NLRP13: variants seen among roughly 807,000 people sequenced by gnomAD.
NLRP13 encodes the protein NLR family pyrin domain containing 13.
Under a neutral mutation model 94.4 loss-of-function variants are expected in NLRP13, and 82 were observed. That is an observed-to-expected ratio of 0.87 (90% CI 0.73 to 1.04). The LOEUF is 1.04. NLRP13 is among the 50% of genes least tolerant of loss of function. The pLI, the probability that NLRP13 is intolerant of heterozygous loss-of-function variation, is 0.00. For synonymous variants in NLRP13, 553 were observed against 464.7 expected, an observed-to-expected ratio of 1.19 and a Z score of -2.45; for missense variants, 1,426 against 1,230.8, an observed-to-expected ratio of 1.16 and a Z score of -2.37.
chr19:55,892,699 G>C (rs1985890506), downstream of NLRP13, among the ~76,000 whole-genome samples: 1 of 152,198 alleles, frequency 6.6e-6, no homozygotes, highest in African/African-American at 2.4e-5. Flanking sequence ...GGAATTAGAG[G>C]CATGAGCCAC....
chr19:55,898,053 T>C (rs1174643826), intron 10 of NLRP13, among the ~76,000 whole-genome samples: 1 of 152,068 alleles, frequency 6.6e-6, no homozygotes, highest in African/African-American at 2.4e-5. Flanking sequence ...CAGGCTGCGC[T>C]CCCCTCAACT....
chr19:55,912,487 C>G lies in NLRP13; in HGVS notation c.1330G>C (p.Asp444His). The change falls in exon 5 of 11, where the codon GAT becomes CAT. Residue 444 changes from aspartate to histidine, a missense_variant. Physicochemically the swap from Asp to His is moderately conservative, Grantham distance 81. Coordinates refer to ENST00000342929, the MANE Select transcript of NLRP13 (RefSeq NM_176810.2). ...GTAGTCTGAGTGATTGACTGGAGAT[C>G]GTAATACCTCACCTTCGGCTGCTTC... is the stretch of plus-strand genomic sequence containing the variant. ...CLKQPKVRYYDLQSITQTTTS... is the reference protein window; with the variant it reads ...CLKQPKVRYYHLQSITQTTTS... 6.2e-7 allele frequency: 1 copy of G among 1,614,090 alleles called. No individual in the cohort carries two copies.
Position 55,912,045 on chromosome 19 carries a change from A to C in NLRP13, c.1772T>G (p.Leu591Arg). ...TTCTCTTGCTATGTTTTTATTTAAA[A>C]GACCAAAGAAGAACAGAACCACTGG... ...WTPVVLFFFGLLNKNIARELE... is the reference protein window; with the variant it reads ...WTPVVLFFFGRLNKNIARELE... Residue 591 changes from leucine to arginine, a missense_variant, in exon 5 of 11, where the codon CTT (leucine) becomes CGT (arginine). Physicochemically the swap from Leu to Arg is moderately radical, Grantham distance 102. Transcript: ENST00000342929. 1 of 1,614,186 alleles carries C rather than the reference A, an allele frequency of 6.2e-7. No individual in the cohort carries two copies. Among genetic ancestry groups the C allele is most frequent in the Non-Finnish European group, 8.5e-7 (1 of 1,180,038 alleles).
In NLRP13 at chr19:55,912,691, C is replaced by T. The variant is rs1986557724; in HGVS notation, c.1126G>A (p.Val376Met). 6.2e-7 allele frequency: 1 copy of T among 1,614,076 alleles called. No homozygotes were observed. The highest frequency in any genetic ancestry group is 8.5e-7 in the Non-Finnish European group (1 of 1,180,042). ...WFVRDLKASL[V>M]NPCFVQITGF... ...GTAATTTGTACAAAGCATGGATTCA[C>T]TAATGAGGCCTTAAGATCTCTCACA... Residue 376 changes from valine (V) to methionine (M), a missense_variant, in exon 5 of 11, where the codon GTG becomes ATG. By Grantham distance (21) the Val-to-Met change is conservative. Transcript: ENST00000342929.
chr19:55,899,687 G>C (rs1377865452), intron 9 of NLRP13, among the ~76,000 whole-genome samples: 1 of 152,188 alleles, frequency 6.6e-6, no homozygotes, highest in African/African-American at 2.4e-5. Context: ...GGCTGAGGCA[G>C]GAGAATAGCT....
At position 55,905,042 on chromosome 19, in the gene NLRP13, C is replaced by T. The variant is rs144919462; in HGVS notation, c.2518G>A (p.Val840Ile). 119 of 1,613,642 alleles carry T rather than the reference C, an allele frequency of 7.4e-5. 4 individuals are homozygous for T. The Middle Eastern group carries it at 8.2e-4, about 11-fold the overall frequency. The change falls in exon 8 of 11, where the codon GTA becomes ATA. Residue 840 changes from valine to isoleucine, a missense_variant. By Grantham distance (29) the Val-to-Ile change is conservative (BLOSUM62 3). Coordinates refer to ENST00000342929, the MANE Select transcript of NLRP13 (RefSeq NM_176810.2). ...LALFLTSIQHVTRLCLGFNRL... is the reference protein window; with the variant it reads ...LALFLTSIQHITRLCLGFNRL... ...TTAAATCCCAGGCACAATCGAGTTA[C>T]GTGTTGGATGCTGGTGAGAAACAAG...
intron 1 of NLRP13, among the ~76,000 whole-genome samples, chr19:55,930,344 A>G (rs768914912): frequency 1.3e-5 from 2 of 152,178 alleles, no homozygotes; most frequent in African/African-American, 2.4e-5. Flanking sequence ...TCCTTCTTAT[A>G]AATATAGTGA....
chr19:55,920,041 C>G (rs1157643082), intron 4 of NLRP13, among the ~76,000 whole-genome samples: 1 of 152,154 alleles, frequency 6.6e-6, no homozygotes, highest in Non-Finnish European at 1.5e-5. Context: ...CTACAGCTAG[C>G]TGATCTTCCG....
chr19:55,921,372 C>A (rs1986821399), intron 4 of NLRP13, among the ~76,000 whole-genome samples: 1 of 152,048 alleles, frequency 6.6e-6, no homozygotes, highest in Admixed American at 6.6e-5. Context: ...TTGTTACAGC[C>A]TTTTAGAGGA....
chr19:55,911,609 C>T (rs779814180), intron 5 of NLRP13, 97 bp downstream of exon 5: 5 of 1,173,290 alleles, frequency 4.3e-6, no homozygotes, highest in African/African-American at 3.1e-5. Context: ...AGCACGAATA[C>T]ATAACGACAA....
intron 1 of NLRP13, among the ~76,000 whole-genome samples, 178 bp from the exon 2 acceptor site, chr19:55,925,213 A>G (rs929642842): frequency 3.9e-5 from 6 of 152,204 alleles, no homozygotes; most frequent in Non-Finnish European, 8.8e-5. Context: ...CACTCTGGAA[A>G]GTCCACAGCA....
intron 4 of NLRP13, among the ~76,000 whole-genome samples, chr19:55,920,976 A>G (rs1055775499): frequency 6.0e-4 from 91 of 152,346 alleles, no homozygotes; most frequent in African/African-American, 2.1e-3. Flanking sequence ...ATATGGATAG[A>G]ACTGGAGGCC....
intron 9 of NLRP13, among the ~76,000 whole-genome samples, chr19:55,899,155 C>T (rs745320874): frequency 2.0e-5 from 3 of 152,086 alleles, no homozygotes; most frequent in South Asian, 2.1e-4. Flanking sequence ...CAACACAGCC[C>T]TCTCCCTCCC....
chr19:55,892,384 C>T (rs577315728), downstream of NLRP13, among the ~76,000 whole-genome samples: 15 of 52,796 alleles, frequency 2.8e-4, no homozygotes, highest in African/African-American at 8.8e-4. Flanking sequence ...TATATACACA[C>T]ACATACACAC....
At chr19:55,899,939 G>A (rs1014760413) in intron 9 of NLRP13, among the ~76,000 whole-genome samples, 13 of 122,524 alleles carry the variant, frequency 1.1e-4, no homozygotes, top group Admixed American at 2.0e-4. Flanking sequence ...AATCTCAGCA[G>A]GAATATAATT....
At chr19:55,900,775 T>TAAA (rs3073241) in intron 9 of NLRP13, among the ~76,000 whole-genome samples, 19 of 134,218 alleles carry the variant, frequency 1.4e-4, no homozygotes, top group South Asian at 2.5e-4. Context: ...GACTCCATCT[T>TAAA]AAAAAAAAAA....
chr19:55,921,713 T>C (rs1986832148), intron 4 of NLRP13, among the ~76,000 whole-genome samples: 1 of 152,124 alleles, frequency 6.6e-6, no homozygotes, highest in African/African-American at 2.4e-5. Flanking sequence ...ATTGCACATA[T>C]CATCCTAAAG....
Position 55,912,427 on chromosome 19 carries a change from A to T in NLRP13, c.1390T>A (p.Phe464Ile). The change falls in exon 5 of 11, where the codon TTC becomes ATC. Residue 464 changes from phenylalanine to isoleucine, a missense_variant. By Grantham distance (21) the Phe-to-Ile change is conservative (BLOSUM62 0). Transcript: ENST00000342929. ...GCCAAATCTACCTCTGCTGTGGAGAACAAGTTGGAGAAAAAATAGGCATAC... is the reference window on the plus strand; with the variant it reads ...GCCAAATCTACCTCTGCTGTGGAGATCAAGTTGGAGAAAAAATAGGCATAC... ...SLYAYFFSNLFSTAEVDLADD... is the reference protein window; with the variant it reads ...SLYAYFFSNLISTAEVDLADD... 1 of 1,614,178 alleles carries T rather than the reference A, an allele frequency of 6.2e-7. No homozygotes were observed. Among genetic ancestry groups the T allele is most frequent in the Non-Finnish European group, 8.5e-7 (1 of 1,180,030 alleles).
intron 1 of NLRP13, among the ~76,000 whole-genome samples, chr19:55,931,740 A>AAGAAAGAAAGAAAGAC (rs1987150874): frequency 6.9e-6 from 1 of 144,818 alleles, no homozygotes; most frequent in South Asian, 2.3e-4. Flanking sequence ...GAAAGAAAGA[A>AAGAAAGAAAGAAAGAC]AGAAAAAGGC....
Sources: gnomAD v4.1 joint callset for allele counts (sites outside exome capture counted in the v4.1 genomes callset) on GRCh38, gnomAD v4.1.1 for gene constraint, MANE v1.5 for transcripts, NCBI Gene and HGNC (gene_info 2026-07-23, HGNC 2026-07-21) for gene names.